Variants in KCNN2 observed in about 807,000 individuals in gnomAD.
KCNN2 encodes the protein potassium calcium-activated channel subfamily N member 2.
A neutral mutation model predicts 55.5 loss-of-function variants in KCNN2; 24 were observed. The observed-to-expected ratio is 0.43, with a 90% confidence interval of 0.31 to 0.61. The LOEUF (loss-of-function observed/expected upper bound fraction) is 0.61, where lower values mean the gene tolerates loss of function less well. KCNN2 is among the 20% of genes least tolerant of loss of function. The probability of loss-of-function intolerance (pLI) is 0.08; values close to 1 mark genes in which losing one functional copy is unlikely to be tolerated. For missense variants in KCNN2, 754 were observed against 853.6 expected (o/e 0.88, Z 1.45); for synonymous variants, 431 against 336.1 (o/e 1.28, Z -3.09).
chr5:114,421,211 A>T (rs766286258), intron 3 of KCNN2, among the ~76,000 whole-genome samples: 3 of 139,262 alleles, frequency 2.2e-5, no homozygotes, highest in Non-Finnish European at 3.1e-5. Flanking sequence ...GTGAACCAAC[A>T]TACATGAAAT....
At chr5:114,163,793 C>T (rs1752849131) in intron 1 of KCNN2, among the ~76,000 whole-genome samples, 2 of 152,126 alleles carry the variant, frequency 1.3e-5, no homozygotes, top group Admixed American at 1.3e-4. Flanking sequence ...TGTGAAGAGG[C>T]ATATGAAGTG....
At chr5:114,464,132 A>G (rs1761335486) in intron 4 of KCNN2, among the ~76,000 whole-genome samples, 1 of 152,120 alleles carries the variant, frequency 6.6e-6, no homozygotes. Flanking sequence ...CCCTCCACAC[A>G]TGACTAGCCA....
At chr5:114,438,060 CCTT>C (rs1201037673) in intron 3 of KCNN2, among the ~76,000 whole-genome samples, 2 of 152,170 alleles carry the variant, frequency 1.3e-5, no homozygotes, top group Admixed American at 1.3e-4. Context: ...ACCTTTATCT[CCTT>C]CTCAGTCTTT....
intron 1 of KCNN2, among the ~76,000 whole-genome samples, chr5:114,219,679 G>T (rs538453256): frequency 1.3e-5 from 2 of 152,018 alleles, no homozygotes; most frequent in Non-Finnish European, 2.9e-5. Context: ...AGGAAATCAG[G>T]GATATAAGTT....
intron 1 of KCNN2, among the ~76,000 whole-genome samples, chr5:114,171,701 T>C (rs6871846): frequency 0.85 from 127,234 of 150,130 alleles, 54,287 homozygotes; most frequent in East Asian, 0.94. Flanking sequence ...GAGAACTGTG[T>C]TCTCTCCACC....
intron 3 of KCNN2, among the ~76,000 whole-genome samples, chr5:114,432,830 C>A (rs528562542): frequency 6.6e-6 from 1 of 152,334 alleles, no homozygotes; most frequent in African/African-American, 2.4e-5. Context: ...CCTGGGCCAG[C>A]GGCTGCGGTG....
chr5:114,322,001 A>C (rs906048003), intron 2 of KCNN2, among the ~76,000 whole-genome samples: 2 of 152,204 alleles, frequency 1.3e-5, no homozygotes, highest in African/African-American at 4.8e-5. Context: ...TTCTGTCTTC[A>C]GAATGTGGTA....
In KCNN2 at chr5:114,488,595, T is replaced by A. The variant is rs1747689487; in HGVS notation, c.2018+1418T>A. 2.6e-5 allele frequency among the ~76,000 whole-genome samples: 4 copies of A among 152,248 alleles called. No homozygotes were observed. The South Asian group carries it at 8.3e-4, about 32-fold the overall frequency. ...CCTAGAAATCTTGATTCCTTGAAGT[T>A]TAGATTGAAGAGAATGAGAACCCTC... On this transcript the variant is annotated intron_variant, in intron 6 of 7. Coordinates refer to ENST00000673685, the MANE Select transcript of KCNN2 (RefSeq NM_021614.4).
intron 2 of KCNN2, among the ~76,000 whole-genome samples, chr5:114,301,181 T>C (rs1355210458): frequency 6.6e-6 from 1 of 152,172 alleles, no homozygotes; most frequent in Non-Finnish European, 1.5e-5. Flanking sequence ...TGCTGATTCC[T>C]AAAGTTTGAA....
At chr5:114,203,343 C>T (rs1753711526) in intron 1 of KCNN2, among the ~76,000 whole-genome samples, 1 of 152,172 alleles carries the variant, frequency 6.6e-6, no homozygotes, top group Admixed American at 6.5e-5. Flanking sequence ...GGACAAGATT[C>T]TAATGTCCTG....
intron 2 of KCNN2, among the ~76,000 whole-genome samples, chr5:114,314,883 C>G (rs1391369770): frequency 1.3e-5 from 2 of 152,106 alleles, no homozygotes; most frequent in Non-Finnish European, 1.5e-5. Flanking sequence ...CTTGAGGACC[C>G]TCTAAACATG....
At chr5:114,398,864 A>G (rs557593398) in intron 2 of KCNN2, among the ~76,000 whole-genome samples, 1 of 152,214 alleles carries the variant, frequency 6.6e-6, no homozygotes, top group East Asian at 1.9e-4. Flanking sequence ...GGTGTATAGG[A>G]ATGCTACTGG....
At chr5:114,056,272 C>T (rs892159200) in exon 1 of KCNN2, 8 of 397,746 alleles carry the variant, frequency 2.0e-5, no homozygotes, top group Non-Finnish European at 3.1e-5. Flanking sequence ...CGGGGGCGCT[C>T]TCCCGGGCCG....
upstream of KCNN2, among the ~76,000 whole-genome samples, chr5:114,358,558 A>G (rs1428469721): frequency 6.6e-6 from 1 of 152,168 alleles, no homozygotes; most frequent in Non-Finnish European, 1.5e-5. Flanking sequence ...ATCTAGGGAA[A>G]TTCTCTCACT....
At chr5:114,178,606 C>T (rs1420258361) in intron 1 of KCNN2, among the ~76,000 whole-genome samples, 1 of 152,198 alleles carries the variant, frequency 6.6e-6, no homozygotes, top group Non-Finnish European at 1.5e-5. Flanking sequence ...AATTTTCCCA[C>T]TTCAATTCAT....
At chr5:114,170,018 T>C (rs1208213946) in intron 1 of KCNN2, among the ~76,000 whole-genome samples, 1 of 152,080 alleles carries the variant, frequency 6.6e-6, no homozygotes, top group Non-Finnish European at 1.5e-5. Context: ...GGAAAGATGA[T>C]TCTTCTTCTT....
At chr5:114,080,910 A>G (rs1750799810) in intron 1 of KCNN2, among the ~76,000 whole-genome samples, 1 of 152,158 alleles carries the variant, frequency 6.6e-6, no homozygotes, top group Non-Finnish European at 1.5e-5. Context: ...CAGAGATGGT[A>G]TGATCTTATA....
chr5:114,443,969 G>C (rs1760309151), intron 3 of KCNN2, among the ~76,000 whole-genome samples: 1 of 152,212 alleles, frequency 6.6e-6, no homozygotes, highest in Admixed American at 6.5e-5. Flanking sequence ...ATTCTAAGCA[G>C]TGGGGAATCA....
intron 1 of KCNN2, among the ~76,000 whole-genome samples, chr5:114,114,570 G>A (rs1286181832): frequency 6.6e-6 from 1 of 151,978 alleles, no homozygotes; most frequent in Non-Finnish European, 1.5e-5. Flanking sequence ...AGGTTCTAGG[G>A]ATGCAGCTGA....
Sources: allele counts gnomAD v4.1 joint callset (sites outside exome capture counted in the v4.1 genomes callset), GRCh38; gene constraint gnomAD v4.1.1; transcripts MANE v1.5; gene names NCBI Gene and HGNC (gene_info 2026-07-23, HGNC 2026-07-21).